The following SLF1 variants were observed in gnomAD, a reference collection of about 807,000 sequenced individuals.
SLF1 encodes SMC5/6 complex localization factor 1.
Under a neutral mutation model 123.0 loss-of-function variants are expected in SLF1, and 105 were observed. The observed-to-expected ratio is 0.85, with a 90% confidence interval of 0.73 to 1.00. SLF1 has a LOEUF of 1.00. SLF1 is among the 50% of genes least tolerant of loss of function. SLF1 has a pLI of 0.00. For missense variants in SLF1, 1,239 were observed against 1,223.0 expected, an observed-to-expected ratio of 1.01 and a Z score of -0.20; for synonymous variants, 434 against 406.6, an observed-to-expected ratio of 1.07 and a Z score of -0.81.
chr5:94,682,697 T>C (rs1466543455), intron 15 of SLF1, among the ~76,000 whole-genome samples: 4 of 152,234 alleles, frequency 2.6e-5, no homozygotes, highest in African/African-American at 7.2e-5. Context: ...TGTTCATCAG[T>C]TCCATATAGA....
intron 1 of SLF1, among the ~76,000 whole-genome samples, chr5:94,627,592 A>G (rs1405530429): frequency 1.8e-5 from 2 of 113,978 alleles, no homozygotes; most frequent in African/African-American, 6.8e-5. Flanking sequence ...TAACATATAT[A>G]TATATATATA....
chr5:94,630,376 G>T, intron 3 of SLF1, 127 bp from the exon 4 acceptor site: 1 of 1,142,478 alleles, frequency 8.8e-7, no homozygotes. Context: ...ATAGTTCAAA[G>T]ATAATGTTAG....
rs1355470903 is a variant in SLF1 at position 94,696,099 on chromosome 5, A to G, written c.*787A>G. The G allele has an allele frequency of 6.6e-6, 1 of 151,814 alleles. No homozygotes were observed. The highest frequency in any genetic ancestry group is 1.5e-5 in the Non-Finnish European group (1 of 67,800). The allele number at this position is 151,814 out of a possible 1,614,324, so 9.4% of individuals were successfully genotyped here. A position where few individuals can be genotyped will look rare whatever the true frequency, so the allele number is the denominator to read the frequency against. On this transcript the variant is annotated 3_prime_UTR_variant, in exon 21 of 21. Coordinates refer to ENST00000265140, the MANE Select transcript of SLF1 (RefSeq NM_032290.4). ...TTGAGATTATTTAAGATCTTAATAT[A>G]TAGTATGAATTTACTGAGTAGTAAT... is the stretch of plus-strand genomic sequence containing the variant.
intron 9 of SLF1, 23 bp from the exon 10 acceptor site, chr5:94,662,275 A>G: frequency 1.3e-6 from 2 of 1,531,804 alleles, no homozygotes; most frequent in Non-Finnish European, 1.8e-6. Flanking sequence ...TGTTGTTTTA[A>G]TTATATGGTT....
At chr5:94,666,956 T>TTTC (rs1180575160) in intron 12 of SLF1, among the ~76,000 whole-genome samples, 2 of 146,262 alleles carry the variant, frequency 1.4e-5, no homozygotes, top group South Asian at 4.3e-4. Flanking sequence ...GGAAGATCTT[T>TTTC]TTTTTTTTTT....
chr5:94,692,495 T>C (rs950454025), intron 20 of SLF1, among the ~76,000 whole-genome samples: 4 of 152,128 alleles, frequency 2.6e-5, no homozygotes, highest in African/African-American at 9.7e-5. Flanking sequence ...TTTAGGTTCG[T>C]GTATGAGAGT....
Position 94,678,846 on chromosome 5 carries a change from T to G in SLF1, c.1866T>G (p.Ile622Met). The change falls in exon 15 of 21, where the codon ATT becomes ATG. Residue 622 changes from isoleucine (I) to methionine (M), a missense_variant. Ile to Met is a conservative substitution (Grantham distance 10). Transcript: ENST00000265140. ...KHELAYLLAG[I>M]LGAAIDYWIF... ...AACTAGCTTACTTATTGGCTGGAAT[T>G]CTTGGAGCAGCAATAGATTATTGGA... 6.2e-7 allele frequency: 1 copy of G among 1,613,670 alleles called. No homozygotes were observed. The highest frequency in any genetic ancestry group is 8.5e-7 in the Non-Finnish European group (1 of 1,179,740).
At position 94,652,125 on chromosome 5, in the gene SLF1, A is replaced by C. The variant is rs562335062; in HGVS notation, c.882+280A>C. On this transcript the variant is annotated intron_variant, in intron 7 of 20. Coordinates refer to ENST00000265140, the MANE Select transcript of SLF1 (RefSeq NM_032290.4). ...TGGGTTCAAGCAATTCTCCTGCCTC[A>C]GCCTCCCAAGTAGCTGGGACTACAG... is the stretch of plus-strand genomic sequence containing the variant. Among the ~76,000 whole-genome samples, 5 of 151,926 alleles carry C rather than the reference A, an allele frequency of 3.3e-5. No homozygotes were observed. The East Asian group carries it at 9.7e-4, about 29-fold the overall frequency.
intron 13 of SLF1, 57 bp downstream of exon 13, chr5:94,670,336 A>T (rs1337798598): frequency 3.7e-6 from 4 of 1,066,692 alleles, no homozygotes; most frequent in Non-Finnish European, 5.0e-6. Flanking sequence ...TTTATGCACC[A>T]TTTTTTTTTT....
At chr5:94,644,633 CTG>C (rs1393239381) in intron 5 of SLF1, among the ~76,000 whole-genome samples, 4 of 152,222 alleles carry the variant, frequency 2.6e-5, no homozygotes, top group African/African-American at 4.8e-5. Flanking sequence ...CTCCTTCACT[CTG>C]TGGGTCTTCC....
intron 9 of SLF1, among the ~76,000 whole-genome samples, chr5:94,657,896 A>G (rs1437608844): frequency 5.9e-5 from 9 of 152,042 alleles, no homozygotes; most frequent in Admixed American, 4.6e-4. Flanking sequence ...CTTGTGGAAT[A>G]TCTTTTTCCA....
In SLF1 at chr5:94,686,698, C is replaced by T; in HGVS notation, c.2101C>T (p.Pro701Ser). 1 of 1,613,892 alleles carries T rather than the reference C, an allele frequency of 6.2e-7. No individual in the cohort carries two copies. Among genetic ancestry groups the T allele is most frequent in the Non-Finnish European group, 8.5e-7 (1 of 1,179,868 alleles). The change falls in exon 16 of 21, where the codon CCA becomes TCA. Residue 701 changes from proline (P) to serine (S), a missense_variant. Pro to Ser is a moderately conservative substitution (Grantham distance 74). Transcript: ENST00000265140. ...GAGCTCTGGCAGTGTTTCTTCTGAGCCACTCTCTCTTCAGAAAATGGTAAG... is the reference window on the plus strand; with the variant it reads ...GAGCTCTGGCAGTGTTTCTTCTGAGTCACTCTCTCTTCAGAAAATGGTAAG... ...LQSSGSVSSEPLSLQKMVYSY... is the reference protein window; with the variant it reads ...LQSSGSVSSESLSLQKMVYSY...
At chr5:94,651,579 C>T in intron 6 of SLF1, 123 bp from the exon 7 acceptor site, 2 of 655,860 alleles carry the variant, frequency 3.0e-6, no homozygotes, top group African/African-American at 1.9e-5. Flanking sequence ...TCTATTTAAC[C>T]TTGTATGTAT....
Position 94,638,634 on chromosome 5 carries a change from A to G in SLF1, c.432-4639A>G, listed in dbSNP as rs1332729197. Among the ~76,000 whole-genome samples, 2 of 152,204 alleles carry G rather than the reference A, an allele frequency of 1.3e-5. 1 individual carries two copies. Among genetic ancestry groups the G allele is most frequent in the African/African-American group, 4.8e-5 (2 of 41,450 alleles). On this transcript the variant is annotated intron_variant, in intron 4 of 20. Transcript: ENST00000265140. ...CCAGTTCTCTTTGCCCACAATAGTA[A>G]CCGTGAGCCCTGGAGAATCCTTTCT...
chr5:94,656,702 C>T (rs763295344), intron 9 of SLF1, among the ~76,000 whole-genome samples: 2 of 151,724 alleles, frequency 1.3e-5, no homozygotes, highest in African/African-American at 2.4e-5. Flanking sequence ...CTGATTCAGT[C>T]TTGGTAGGTT....
At chr5:94,685,793 C>G (rs1315950000) in intron 15 of SLF1, among the ~76,000 whole-genome samples, 2 of 151,616 alleles carry the variant, frequency 1.3e-5, no homozygotes, top group Non-Finnish European at 2.9e-5. Context: ...CGAGATCGCA[C>G]CACTGCACTC....
intron 4 of SLF1, among the ~76,000 whole-genome samples, chr5:94,635,962 T>A (rs1745721476): frequency 6.6e-6 from 1 of 152,220 alleles, no homozygotes; most frequent in Non-Finnish European, 1.5e-5. Context: ...TCTTTCATAA[T>A]TCCTATCAGG....
intron 5 of SLF1, among the ~76,000 whole-genome samples, chr5:94,645,562 TATTA>T (rs1376388806): frequency 6.6e-6 from 1 of 152,232 alleles, no homozygotes. Context: ...AGTAAAGGTA[TATTA>T]ATTTTCTTTT....
At chr5:94,654,840 T>C (rs958572313) in intron 9 of SLF1, 88 bp downstream of exon 9, 1 of 959,734 alleles carries the variant, frequency 1.0e-6, no homozygotes, top group East Asian at 3.7e-5. Context: ...TATATACATA[T>C]GATTCATTAG....
Sources: gnomAD v4.1 joint callset for allele counts (sites outside exome capture counted in the v4.1 genomes callset) on GRCh38, gnomAD v4.1.1 for gene constraint, MANE v1.5 for transcripts, NCBI Gene and HGNC (gene_info 2026-07-23, HGNC 2026-07-21) for gene names.